The following NPTXR variants were observed in gnomAD, a reference collection of about 807,000 sequenced individuals.
The protein encoded by NPTXR is neuronal pentraxin receptor.
A neutral mutation model predicts 32.2 loss-of-function variants in NPTXR; 12 were observed. The observed-to-expected ratio is 0.37, with a 90% CI of 0.24 to 0.60. NPTXR has a LOEUF of 0.60. Among genes scored for constraint, NPTXR ranks in the 20% least tolerant of loss-of-function variants. The pLI, the probability that NPTXR is intolerant of heterozygous loss-of-function variation, is 0.66. For missense variants in NPTXR, 612 were observed against 682.9 expected (o/e 0.90, Z 1.16); for synonymous variants, 323 against 315.8 (o/e 1.02, Z -0.24).
chr22:38,832,350 T>C (rs1483700166), intron 1 of NPTXR, among the ~76,000 whole-genome samples: 1 of 152,208 alleles, frequency 6.6e-6, no homozygotes, highest in African/African-American at 2.4e-5. Context: ...GAGGGAATGA[T>C]GACGCCAGCA....
chr22:38,831,009 C>A (rs1428404863), intron 1 of NPTXR, among the ~76,000 whole-genome samples: 1 of 152,242 alleles, frequency 6.6e-6, no homozygotes, highest in Non-Finnish European at 1.5e-5. Context: ...TTACAGTGCA[C>A]TCCCCGCTTA....
rs2093107011 is a variant in NPTXR, at chr22:38,826,539, C to A, written c.1059G>T (p.Glu353Asp). 1 of 1,613,762 alleles carries A rather than the reference C, an allele frequency of 6.2e-7. No individual in the cohort carries two copies. The highest frequency in any genetic ancestry group is 8.5e-7 in the Non-Finnish European group (1 of 1,179,868). ...GCAGCTCCATGGGCTCATGGCCCGC[C>A]TCTAGCAGTACAATCTCGTTGGCCT... The change falls in exon 3 of 5, where the codon GAG (glutamate) becomes GAT (aspartate). Residue 353 changes from glutamate (E) to aspartate (D), a missense_variant. Coordinates refer to ENST00000333039, the MANE Select transcript of NPTXR (RefSeq NM_014293.4).
chr22:38,828,210 G>A (rs1056260672), intron 2 of NPTXR, 77 bp downstream of exon 2: 10 of 1,198,644 alleles, frequency 8.3e-6, no homozygotes, highest in Non-Finnish European at 1.2e-5. Context: ...AGCCTCCGGG[G>A]AGCATGGATA....
At chr22:38,827,654 T>G (rs534431865) in intron 2 of NPTXR, among the ~76,000 whole-genome samples, 1 of 152,280 alleles carries the variant, frequency 6.6e-6, no homozygotes, top group African/African-American at 2.4e-5. Flanking sequence ...TTCACAAGAA[T>G]TGAAAGCTGA....
rs1448148960 is a variant in NPTXR, at chr22:38,843,101, C to T, written c.624+134G>A. 1.7e-5 allele frequency: 16 copies of T among 943,280 alleles called. No individual in the cohort carries two copies. The South Asian group carries it at 3.3e-4, about 20-fold the overall frequency. 58.4% of individuals were successfully genotyped at this position (943,280 alleles called of 1,614,324 possible). A position where few individuals can be genotyped will look rare whatever the true frequency, so the allele number is the denominator to read the frequency against. The stretch of plus-strand genomic sequence containing the variant: ...GCGTTCCCTATCGAAATCCCCCCGC[C>T]TCGCCAGCGAGGAAGGCGCGATCGT... On this transcript the variant is annotated intron_variant, in intron 1 of 4. Transcript: ENST00000333039. The surrounding 1 kb of genome is among the most constrained non-coding windows in gnomAD (Gnocchi z 5.3).
Position 38,843,805 on chromosome 22 carries a change from G to C in NPTXR, c.54C>G (p.Ala18=), listed in dbSNP as rs2093135768. The change falls in exon 1 of 5, where the codon GCC becomes GCG. Residue 18 remains alanine, a synonymous_variant. Transcript: ENST00000333039. This position sits in a 1 kb window ranked among gnomAD's most constrained non-coding sequence, Gnocchi z 5.3. ...GCACGCTGGCGATGATGCAGATGAC[G>C]GCACCGAGGAACGCCAGCATGCCCG... 1.5e-5 allele frequency: 15 copies of C among 1,018,222 alleles called. No individual in the cohort carries two copies. The highest frequency in any genetic ancestry group is 1.8e-5 in the Non-Finnish European group (15 of 853,540). The allele number at this position is 1,018,222 out of a possible 1,614,324, so 63.1% of individuals were successfully genotyped here. A position where few individuals can be genotyped will look rare whatever the true frequency, so the allele number is the denominator to read the frequency against.
chr22:38,826,593 G>A lies in NPTXR; in HGVS notation c.1005C>T (p.Gly335=), dbSNP rs56034166. The A allele has an allele frequency of 0.032, 51,717 of 1,614,240 alleles. 980 individuals carry two copies. Among genetic ancestry groups the A allele is most frequent in the Non-Finnish European group, 0.035 (41,575 of 1,180,040 alleles). Reference sequence around the variant, plus strand: ...CGGGCACTGAGTAGGAGAAGGGGGTGCCCTGGCCGGTGCCGCTGGACCTGG... The same window carrying A: ...CGGGCACTGAGTAGGAGAAGGGGGTACCCTGGCCGGTGCCGCTGGACCTGG... Residue 335 remains glycine, a synonymous_variant, in exon 3 of 5, where the codon GGC becomes GGT. Transcript: ENST00000333039.
At chr22:38,823,666 A>ATC (rs1227578343) in intron 3 of NPTXR, among the ~76,000 whole-genome samples, 1 of 152,176 alleles carries the variant, frequency 6.6e-6, no homozygotes. Flanking sequence ...AGGCTCCAGC[A>ATC]TCTGGCCCTG....
Position 38,843,264 on chromosome 22 carries a change from C to G in NPTXR, c.595G>C (p.Ala199Pro). Residue 199 changes from alanine (A) to proline (P), a missense_variant, in exon 1 of 5, where the codon GCC (alanine) becomes CCC (proline). By Grantham distance (27) the Ala-to-Pro change is conservative (BLOSUM62 -1). Transcript: ENST00000333039. The surrounding 1 kb of genome is among the most constrained non-coding windows in gnomAD (Gnocchi z 5.3). ...AGGCGGTCGATGCGGTCCCGCAGGGCGCGCACGGCGTCCTCCAGCTCCAGA... is the reference window on the plus strand; with the variant it reads ...AGGCGGTCGATGCGGTCCCGCAGGGGGCGCACGGCGTCCTCCAGCTCCAGA... 2.1e-6 allele frequency: 3 copies of G among 1,424,840 alleles called. No individual in the cohort carries two copies. In the South Asian group the frequency reaches 4.3e-5, roughly 20 times the overall value. 88.3% of individuals were successfully genotyped at this position (1,424,840 alleles called of 1,614,324 possible).
chr22:38,843,721 G>A lies in NPTXR; in HGVS notation c.138C>T (p.Ala46=). The A allele has an allele frequency of 2.0e-6, 2 of 994,126 alleles. No homozygotes were observed. The highest frequency in any genetic ancestry group is 2.4e-6 in the Non-Finnish European group (2 of 837,426). 61.6% of individuals were successfully genotyped at this position (994,126 alleles called of 1,614,324 possible). ...GGCCCGGGGACGCGGCGGCGCCCGA[G>A]GCGACCGAAGCATTGTCGGCGCCGC... is the stretch of plus-strand genomic sequence containing the variant. Residue 46 remains alanine, a synonymous_variant, in exon 1 of 5, where the codon GCC becomes GCT. Transcript: ENST00000333039. The surrounding 1 kb of genome is among the most constrained non-coding windows in gnomAD (Gnocchi z 5.3).
intron 3 of NPTXR, among the ~76,000 whole-genome samples, chr22:38,825,866 A>G (rs112953272): frequency 0.012 from 1,707 of 137,314 alleles, 31 homozygotes; most frequent in African/African-American, 0.045. Flanking sequence ...TTTTTGACAC[A>G]GAGTCTTCCT....
At chr22:38,836,294 G>A (rs1017517518) in intron 1 of NPTXR, among the ~76,000 whole-genome samples, 6 of 152,212 alleles carry the variant, frequency 3.9e-5, no homozygotes, top group South Asian at 2.1e-4. Flanking sequence ...GCTGACAGCC[G>A]CCAACAGATA....
Position 38,822,469 on chromosome 22 carries a change from C to T in NPTXR, c.*140G>A. The T allele has an allele frequency of 1.4e-6, 1 of 709,424 alleles. No individual in the cohort carries two copies. The highest frequency in any genetic ancestry group is 1.7e-5 in the South Asian group (1 of 57,576). 43.9% of individuals were successfully genotyped at this position (709,424 alleles called of 1,614,324 possible). On this transcript the variant is annotated 3_prime_UTR_variant, in exon 5 of 5. Coordinates refer to ENST00000333039, the MANE Select transcript of NPTXR (RefSeq NM_014293.4). The stretch of plus-strand genomic sequence containing the variant: ...GCAGGGCATTCTGGAGGTGTGGGTA[C>T]AGGTGAGGGGAAATGGGAGGCACAG...
intron 1 of NPTXR, among the ~76,000 whole-genome samples, chr22:38,833,377 CA>C (rs1169838622): frequency 2.0e-5 from 3 of 152,212 alleles, no homozygotes; most frequent in Non-Finnish European, 2.9e-5. Context: ...GAGCAGCCTT[CA>C]GGGGGAGCAG....
In NPTXR at chr22:38,827,724, C is replaced by G. The variant is rs542360791; in HGVS notation, c.850+563G>C. 2.2e-4 allele frequency among the ~76,000 whole-genome samples: 33 copies of G among 152,264 alleles called. 1 individual carries two copies. The South Asian group carries it at 5.8e-3, about 27-fold the overall frequency. On this transcript the variant is annotated intron_variant, in intron 2 of 4. Coordinates refer to ENST00000333039, the MANE Select transcript of NPTXR (RefSeq NM_014293.4). ...ATTTCTCAGATGAGGAAAACTGAGG[C>G]CTGGGGAAGGAAGTGAACTTCTGAG... is the stretch of plus-strand genomic sequence containing the variant.
rs896955568 is a variant in NPTXR at position 38,828,621 on chromosome 22, C to T, written c.625-109G>A. On this transcript the variant is annotated intron_variant, in intron 1 of 4. Transcript: ENST00000333039. ...AGTGACCCCAGGGGAGCCTCAGCTT[C>T]CCCAGTATGCAAAATGGGAATGACA... 7.6e-6 allele frequency: 6 copies of T among 794,400 alleles called. No homozygotes were observed. The Admixed American group carries it at 1.1e-4, about 14-fold the overall frequency. 49.2% of individuals were successfully genotyped at this position (794,400 alleles called of 1,614,324 possible). A position where few individuals can be genotyped will look rare whatever the true frequency, so the allele number is the denominator to read the frequency against.
intron 1 of NPTXR, among the ~76,000 whole-genome samples, chr22:38,839,378 C>T (rs1164464606): frequency 2.0e-5 from 3 of 152,232 alleles, no homozygotes. Flanking sequence ...GGCACAGTGG[C>T]TCACGCCTGT....
chr22:38,834,914 T>C lies in NPTXR; in HGVS notation c.625-6402A>G, dbSNP rs769825422. The stretch of plus-strand genomic sequence containing the variant: ...ACATTACTATTATTCTTTGCTGTTA[T>C]TGAGAGGCAGGAGAGCATAATGTGT... On this transcript the variant is annotated intron_variant, in intron 1 of 4. Transcript: ENST00000333039. This position sits in a 1 kb window ranked among gnomAD's most constrained non-coding sequence, Gnocchi z 4.4. 1.4e-4 allele frequency among the ~76,000 whole-genome samples: 22 copies of C among 152,192 alleles called. No homozygotes were observed. The highest frequency in any genetic ancestry group is 3.1e-4 in the Non-Finnish European group (21 of 68,044).
rs529675487 is a variant in NPTXR, at chr22:38,828,078, A to G, written c.850+209T>C. ...ATCAAGTACTTAGCCCACTCCCAGG[A>G]CACAGTAAGTGCCAGAAAATGAGAT... On this transcript the variant is annotated intron_variant, in intron 2 of 4. Transcript: ENST00000333039. 7.2e-5 allele frequency among the ~76,000 whole-genome samples: 11 copies of G among 152,332 alleles called. No individual in the cohort carries two copies. In the South Asian group the frequency reaches 8.3e-4, roughly 11 times the overall value.
Sources: allele counts gnomAD v4.1 joint callset (sites outside exome capture counted in the v4.1 genomes callset), GRCh38; gene constraint gnomAD v4.1.1; non-coding constraint Gnocchi (gnomAD v3.1); transcripts MANE v1.5; gene names NCBI Gene and HGNC (gene_info 2026-07-23, HGNC 2026-07-21).